Variants in PNPLA6 observed in about 807,000 individuals in gnomAD.
PNPLA6 encodes patatin like domain 6, lysophospholipase.
A neutral mutation model predicts 153.7 loss-of-function variants in PNPLA6; 105 were observed. That is an observed-to-expected ratio of 0.68 (90% CI 0.58 to 0.80). The LOEUF (loss-of-function observed/expected upper bound fraction) is 0.80. Among genes scored for constraint, PNPLA6 ranks in the 30% least tolerant of loss-of-function variants. PNPLA6 has a pLI of 0.00. For synonymous variants in PNPLA6, 825 were observed against 822.2 expected (o/e 1.00, Z -0.06); for missense variants, 1,423 against 1,919.3 (o/e 0.74, Z 4.83).
chr19:7,536,193 A>G lies in PNPLA6; in HGVS notation c.235A>G (p.Thr79Ala). 2 of 1,611,260 alleles carry G rather than the reference A, an allele frequency of 1.2e-6. No homozygotes were observed. The highest frequency in any genetic ancestry group is 1.7e-6 in the Non-Finnish European group (2 of 1,177,654). ...LVVRRLRVPK[T>A]PAPDGPRYRF... ...CCCCTGTCCCCACCTATCCCCAGAA[A>G]CCCCAGCCCCGGATGGCCCCCGGTA... Residue 79 changes from threonine to alanine, a missense_variant and splice_region_variant, in exon 2 of 32, where the codon ACC (threonine) becomes GCC (alanine). By Grantham distance (58) the Thr-to-Ala change is moderately conservative. Transcript: ENST00000600737.
In PNPLA6 at chr19:7,541,130, AG is replaced by A. The variant is rs2023117845; in HGVS notation, c.924+81del. On this transcript the variant is annotated intron_variant, in intron 7 of 31. Coordinates refer to ENST00000600737, the MANE Select transcript of PNPLA6 (RefSeq NM_001166114.2). This position sits in a 1 kb window ranked among gnomAD's most constrained non-coding sequence, Gnocchi z 5.2. ...ACCCATTCCAGGCTCCAAGGGACCGAGGCCCAGCAGCCAGCAGGCGCTGGAG... is the reference window on the plus strand; with the variant it reads ...ACCCATTCCAGGCTCCAAGGGACCGAGCCCAGCAGCCAGCAGGCGCTGGAG... 43 of 1,484,314 alleles carry A rather than the reference AG, an allele frequency of 2.9e-5. No homozygotes were observed. Among genetic ancestry groups the A allele is most frequent in the Non-Finnish European group, 3.9e-5 (42 of 1,087,588 alleles). 91.9% of individuals were successfully genotyped at this position (1,484,314 alleles called of 1,614,324 possible). A position where few individuals can be genotyped will look rare whatever the true frequency, so the allele number is the denominator to read the frequency against.
chr19:7,554,780 C>T (rs2023798474), intron 21 of PNPLA6, 57 bp downstream of exon 21: 11 of 1,597,372 alleles, frequency 6.9e-6, no homozygotes, highest in African/African-American at 1.3e-5. Context: ...TTTGCCCTCC[C>T]GTGCCTGCAC....
rs72346034 is a variant in PNPLA6, at chr19:7,549,484, C to CCTTCTT, written c.1609-416_1609-411dup. ...TACAGGCGTGAGCCACCGCGCCTGG[C>CCTTCTT]CTTCTTCTTCTTTTTTTTTTTAAAG... On this transcript the variant is annotated intron_variant, in intron 13 of 31. Coordinates refer to ENST00000600737, the MANE Select transcript of PNPLA6 (RefSeq NM_001166114.2). 3.8e-4 allele frequency among the ~76,000 whole-genome samples: 18 copies of CCTTCTT among 46,992 alleles called. 1 individual carries two copies. Among genetic ancestry groups the CCTTCTT allele is most frequent in the Admixed American group, 1.1e-3 (4 of 3,698 alleles). The allele number at this position is 46,992 out of a possible 152,430, so 30.8% of individuals were successfully genotyped here. A position where few individuals can be genotyped will look rare whatever the true frequency, so the allele number is the denominator to read the frequency against.
chr19:7,546,560 G>A (rs2023394739), intron 13 of PNPLA6, among the ~76,000 whole-genome samples: 1 of 152,130 alleles, frequency 6.6e-6, no homozygotes, highest in Non-Finnish European at 1.5e-5. Flanking sequence ...CACTGCACCT[G>A]GCCATGCCCA....
Position 7,541,204 on chromosome 19 carries a change from C to T in PNPLA6, c.925-150C>T, listed in dbSNP as rs559792463. 657 of 1,100,230 alleles carry T rather than the reference C, an allele frequency of 6.0e-4. No homozygotes were observed. Among genetic ancestry groups the T allele is most frequent in the Middle Eastern group, 4.0e-3 (14 of 3,524 alleles). 68.2% of individuals were successfully genotyped at this position (1,100,230 alleles called of 1,614,324 possible). ...GCCAGATGTCTGCAGCCGCGGACTC[C>T]TCCCTTAGCTGCCTCGCCCCATTTC... On this transcript the variant is annotated intron_variant, in intron 7 of 31. Coordinates refer to ENST00000600737, the MANE Select transcript of PNPLA6 (RefSeq NM_001166114.2). This position sits in a 1 kb window ranked among gnomAD's most constrained non-coding sequence, Gnocchi z 5.2.
chr19:7,542,417 C>T (rs940139744), intron 10 of PNPLA6, 144 bp from the exon 11 acceptor site: 1 of 713,858 alleles, frequency 1.4e-6, no homozygotes, highest in African/African-American at 1.7e-5. Flanking sequence ...TCACTGCAGC[C>T]TCGAACTCCT....
At chr19:7,547,811 A>AATTT (rs1406190133) in intron 13 of PNPLA6, among the ~76,000 whole-genome samples, 11 of 114,558 alleles carry the variant, frequency 9.6e-5, no homozygotes, top group African/African-American at 3.8e-4. Flanking sequence ...CTAATTAAAA[A>AATTT]TTTTTTTTTT....
At chr19:7,548,958 A>G (rs2023517437) in intron 13 of PNPLA6, among the ~76,000 whole-genome samples, 1 of 150,282 alleles carries the variant, frequency 6.7e-6, no homozygotes. Flanking sequence ...GCCCGCCACC[A>G]CGCCTGGCTA....
Position 7,561,102 on chromosome 19 carries a change from G to A in PNPLA6, c.3905G>A (p.Cys1302Tyr). Residue 1302 changes from cysteine (C) to tyrosine (Y), a missense_variant, in exon 30 of 32, where the codon TGT (cysteine) becomes TAT (tyrosine). By Grantham distance (194) the Cys-to-Tyr change is radical. Around this residue, in one of 10 missense-constraint regions of PNPLA6, gnomAD observed 643 missense variants for 835.2 expected, o/e 0.77. Transcript: ENST00000600737. ...CCCACGAGCTATGTCTCTGATGGCTGTGCTGACGGTGAGGGGCCCAGGGGA... is the reference window on the plus strand; with the variant it reads ...CCCACGAGCTATGTCTCTGATGGCTATGCTGACGGTGAGGGGCCCAGGGGA... Reference protein sequence around the residue: ...EPPTSYVSDGCADGEESDCLT... With the variant: ...EPPTSYVSDGYADGEESDCLT... The A allele has an allele frequency of 6.2e-7, 1 of 1,603,104 alleles. No individual in the cohort carries two copies. The highest frequency in any genetic ancestry group is 8.5e-7 in the Non-Finnish European group (1 of 1,177,006).
rs1966546310 is a variant in PNPLA6 at position 7,555,503 on chromosome 19, C to T, written c.2937-104C>T. 6 of 1,411,042 alleles carry T rather than the reference C, an allele frequency of 4.3e-6. No homozygotes were observed. The highest frequency in any genetic ancestry group is 2.6e-5 in the South Asian group (2 of 78,430). The allele number at this position is 1,411,042 out of a possible 1,614,324, so 87.4% of individuals were successfully genotyped here. ...CCGGGAGAGACCCCGTGGGTAGGGG[C>T]GGGTCCTTTGTTCCTTAGCAGTGCG... On this transcript the variant is annotated intron_variant, in intron 23 of 31. Coordinates refer to ENST00000600737, the MANE Select transcript of PNPLA6 (RefSeq NM_001166114.2). The surrounding 1 kb of genome is among the most constrained non-coding windows in gnomAD (Gnocchi z 6.3).
chr19:7,541,855 C>A lies in PNPLA6; in HGVS notation c.1169-129C>A. 1 of 1,098,646 alleles carries A rather than the reference C, an allele frequency of 9.1e-7. No individual in the cohort carries two copies. The highest frequency in any genetic ancestry group is 1.4e-6 in the Non-Finnish European group (1 of 737,992). The allele number at this position is 1,098,646 out of a possible 1,614,324, so 68.1% of individuals were successfully genotyped here. ...CTATCTGGTACCGAGGAAGCTGTGG[C>A]CTCGTCCCCAAGGGCCCATTGGAAT... On this transcript the variant is annotated intron_variant, in intron 9 of 31. Coordinates refer to ENST00000600737, the MANE Select transcript of PNPLA6 (RefSeq NM_001166114.2). This position sits in a 1 kb window ranked among gnomAD's most constrained non-coding sequence, Gnocchi z 5.2.
At chr19:7,549,713 C>T (rs2023559709) in intron 13 of PNPLA6, 194 bp from the exon 14 acceptor site, 1 of 624,618 alleles carries the variant, frequency 1.6e-6, no homozygotes, top group Non-Finnish European at 2.9e-6. Context: ...TGCCGAACTC[C>T]TGGCCTCAAG....
In PNPLA6 at chr19:7,548,937, G is replaced by C. The variant is rs530282583; in HGVS notation, c.1609-970G>C. Among the ~76,000 whole-genome samples, 3 of 149,888 alleles carry C rather than the reference G, an allele frequency of 2.0e-5. No individual in the cohort carries two copies. The South Asian group carries it at 6.3e-4, about 31-fold the overall frequency. On this transcript the variant is annotated intron_variant, in intron 13 of 31. Transcript: ENST00000600737. Reference sequence around the variant, plus strand: ...CCTGCCTCAGACTCCCAAGTAGCTGGGACTACAGGCGCCCGCCACCACGCC... The same window carrying C: ...CCTGCCTCAGACTCCCAAGTAGCTGCGACTACAGGCGCCCGCCACCACGCC...
intron 27 of PNPLA6, 55 bp downstream of exon 27, chr19:7,557,339 C>T (rs1411858760): frequency 9.1e-6 from 7 of 765,650 alleles, no homozygotes; most frequent in African/African-American, 5.3e-5. Flanking sequence ...ACCACACACA[C>T]GCACACGCGT....
chr19:7,536,926 CAAAAA>C (rs56310906), intron 3 of PNPLA6, among the ~76,000 whole-genome samples: 33 of 53,976 alleles, frequency 6.1e-4, no homozygotes, highest in African/African-American at 2.1e-3. Flanking sequence ...GACTCTGTCT[CAAAAA>C]AAAAAAAAAA....
rs767447574 is a variant in PNPLA6 at position 7,541,454 on chromosome 19, C to T, written c.1005+20C>T. 1 of 1,612,754 alleles carries T rather than the reference C, an allele frequency of 6.2e-7. No individual in the cohort carries two copies. The highest frequency in any genetic ancestry group is 8.5e-7 in the Non-Finnish European group (1 of 1,179,026). On this transcript the variant is annotated intron_variant, in intron 8 of 31. Coordinates refer to ENST00000600737, the MANE Select transcript of PNPLA6 (RefSeq NM_001166114.2). This position sits in a 1 kb window ranked among gnomAD's most constrained non-coding sequence, Gnocchi z 5.2. ...AGCCACGTGAGTGGGTGGCGGGGAGCGAGCACAGGGGGGATGGGGGCGAGG... is the reference window on the plus strand; with the variant it reads ...AGCCACGTGAGTGGGTGGCGGGGAGTGAGCACAGGGGGGATGGGGGCGAGG...
intron 28 of PNPLA6, 127 bp from the exon 29 acceptor site, chr19:7,560,521 A>G (rs1229634194): frequency 1.4e-6 from 1 of 739,278 alleles, no homozygotes; most frequent in Non-Finnish European, 2.5e-6. Context: ...TGACTCTGAA[A>G]TAGGTTTAGT....
intron 27 of PNPLA6, among the ~76,000 whole-genome samples, chr19:7,558,287 G>T (rs1035200866): frequency 6.6e-6 from 1 of 152,204 alleles, no homozygotes; most frequent in Non-Finnish European, 1.5e-5. Context: ...CCAGGGGTGG[G>T]CAAACTATGG....
rs958632753 is a variant in PNPLA6, at chr19:7,560,491, G to A, written c.3700-157G>A. Reference sequence around the variant, plus strand: ...CAAGGGCAGGACAGGGGATGTGTAGGCGAGTGTGCTATGTGCAGCTGACTC... The same window carrying A: ...CAAGGGCAGGACAGGGGATGTGTAGACGAGTGTGCTATGTGCAGCTGACTC... On this transcript the variant is annotated intron_variant, in intron 28 of 31. Coordinates refer to ENST00000600737, the MANE Select transcript of PNPLA6 (RefSeq NM_001166114.2). 1.4e-5 allele frequency: 10 copies of A among 695,754 alleles called. No homozygotes were observed. In the South Asian group the frequency reaches 1.5e-4, roughly 11 times the overall value. The allele number at this position is 695,754 out of a possible 1,614,324, so 43.1% of individuals were successfully genotyped here.
Sources: allele counts gnomAD v4.1 joint callset (sites outside exome capture counted in the v4.1 genomes callset), GRCh38; gene constraint gnomAD v4.1.1; regional missense constraint gnomAD v4.1.1; non-coding constraint Gnocchi (gnomAD v3.1); transcripts MANE v1.5; gene names NCBI Gene and HGNC (gene_info 2026-07-23, HGNC 2026-07-21).